The following PHF11 variants were observed in gnomAD, a reference collection of about 807,000 sequenced individuals.
The protein encoded by PHF11 is PHD finger protein 11, also known as BRCA1 C-terminus-associated protein.
In PHF11, 38 loss-of-function variants were observed where a neutral mutation model predicts 40.5. The ratio of observed to expected loss-of-function variants is 0.94; its 90% CI spans 0.72 to 1.23. PHF11 has a LOEUF of 1.23. Among genes scored for constraint, PHF11 ranks in the 50% most tolerant of loss-of-function variants. The pLI is 0.00. For synonymous variants in PHF11, 127 were observed against 138.2 expected (o/e 0.92, Z 0.57); for missense variants, 369 against 392.4 (o/e 0.94, Z 0.50).
At chr13:49,524,837 G>C (rs1172040755) in intron 8 of PHF11, among the ~76,000 whole-genome samples, 1 of 152,026 alleles carries the variant, frequency 6.6e-6, no homozygotes, top group African/African-American at 2.4e-5. Context: ...AAATCAACAG[G>C]ATGTGGGTAA....
At chr13:49,508,207 ATGTGTTATGTATTAATATATTAT>A (rs1272191080) in intron 2 of PHF11, among the ~76,000 whole-genome samples, 2 of 147,440 alleles carry the variant, frequency 1.4e-5, no homozygotes, top group South Asian at 2.1e-4. Context: ...TATATTATTA[ATGTGTTATGTATTAATATATTAT>A]TGTGTTATGT....
intron 1 of PHF11, among the ~76,000 whole-genome samples, chr13:49,502,585 G>A (rs1958924381): frequency 6.6e-6 from 1 of 152,222 alleles, no homozygotes; most frequent in Admixed American, 6.5e-5. Flanking sequence ...GTGCCTTAGA[G>A]AAGAAATGGG....
intron 1 of PHF11, among the ~76,000 whole-genome samples, chr13:49,505,119 AT>A (rs1380686940): frequency 1.5e-4 from 23 of 149,978 alleles, no homozygotes; most frequent in African/African-American, 4.4e-4. Flanking sequence ...AAATAAAAAA[AT>A]AATAAAAAAA....
At chr13:49,498,846 A>T (rs1003566290) in intron 1 of PHF11, among the ~76,000 whole-genome samples, 1 of 152,200 alleles carries the variant, frequency 6.6e-6, no homozygotes. Context: ...ACATATAAAC[A>T]TGTGAGTGCA....
chr13:49,501,543 A>G (rs1034294366), intron 1 of PHF11, among the ~76,000 whole-genome samples: 11 of 152,198 alleles, frequency 7.2e-5, no homozygotes, highest in African/African-American at 2.7e-4. Flanking sequence ...ATGGAATAAA[A>G]CAGAAGCACA....
At chr13:49,499,777 A>T (rs576750397) in intron 1 of PHF11, among the ~76,000 whole-genome samples, 2 of 152,374 alleles carry the variant, frequency 1.3e-5, no homozygotes, top group African/African-American at 4.8e-5. Flanking sequence ...AGGAGAAGAA[A>T]GGAGGAAATC....
intron 1 of PHF11, chr13:49,496,634 T>C (rs955947575): frequency 3.1e-5 from 5 of 163,404 alleles, no homozygotes; most frequent in Non-Finnish European, 6.4e-5. Context: ...CCCTTGCGTG[T>C]GTGTATAGCT....
At chr13:49,501,415 G>A (rs1958906410) in intron 1 of PHF11, among the ~76,000 whole-genome samples, 1 of 152,120 alleles carries the variant, frequency 6.6e-6, no homozygotes, top group Non-Finnish European at 1.5e-5. Flanking sequence ...TTGGGTCTGA[G>A]GTAATTAGAA....
At chr13:49,526,889 T>C (rs983965870) in intron 9 of PHF11, among the ~76,000 whole-genome samples, 3 of 152,180 alleles carry the variant, frequency 2.0e-5, no homozygotes, top group Non-Finnish European at 4.4e-5. Flanking sequence ...TAAAGCTTCC[T>C]GCGGCTTCTC....
intron 1 of PHF11, chr13:49,497,021 G>A (rs1958824841): frequency 4.1e-6 from 5 of 1,211,732 alleles, no homozygotes; most frequent in Non-Finnish European, 5.3e-6. Context: ...TTAGTAGAGA[G>A]GGTTTCTCCA....
At chr13:49,524,011 GA>G (rs1275949515) in intron 7 of PHF11, 73 bp from the exon 8 acceptor site, 1 of 1,277,460 alleles carries the variant, frequency 7.8e-7, no homozygotes, top group Non-Finnish European at 1.1e-6. Flanking sequence ...AAGGTCTGAA[GA>G]AATAAGCATA....
At chr13:49,520,051 G>T (rs7981627) in intron 4 of PHF11, among the ~76,000 whole-genome samples, 97,873 of 151,828 alleles carry the variant, frequency 0.64, 31,934 homozygotes, top group East Asian at 0.82. Flanking sequence ...CATTTCTTTT[G>T]TTTTGTTTTG....
At chr13:49,501,980 C>T (rs1037018537) in intron 1 of PHF11, among the ~76,000 whole-genome samples, 49 of 152,152 alleles carry the variant, frequency 3.2e-4, no homozygotes, top group African/African-American at 1.1e-3. Flanking sequence ...TGTGAGCCAC[C>T]GCGCCCGGCC....
chr13:49,524,060 T>G, intron 7 of PHF11, 25 bp from the exon 8 acceptor site: 1 of 1,593,486 alleles, frequency 6.3e-7, no homozygotes, highest in Non-Finnish European at 8.6e-7. Context: ...ACTATTTCCT[T>G]CTCAAATGTT....
intron 1 of PHF11, 28 bp from the exon 2 acceptor site, chr13:49,506,607 C>T (rs776921255): frequency 1.2e-6 from 2 of 1,610,548 alleles, no homozygotes; most frequent in Non-Finnish European, 8.5e-7. Flanking sequence ...TCCACTTTTC[C>T]ATTTCTCACC....
intron 4 of PHF11, among the ~76,000 whole-genome samples, chr13:49,519,575 A>T (rs567095553): frequency 6.6e-6 from 1 of 152,176 alleles, no homozygotes; most frequent in South Asian, 2.1e-4. Context: ...AAAGAATAAA[A>T]TATAGATTGA....
At chr13:49,497,351 T>G in intron 1 of PHF11, 2 of 525,644 alleles carry the variant, frequency 3.8e-6, no homozygotes, top group South Asian at 3.1e-5. Flanking sequence ...CTCCACTGTA[T>G]TCAGGTACTC....
intron 1 of PHF11, among the ~76,000 whole-genome samples, chr13:49,498,060 A>C (rs1052774002): frequency 1.2e-4 from 18 of 152,212 alleles, no homozygotes; most frequent in Admixed American, 6.5e-4. Flanking sequence ...CCTGGAAAAC[A>C]AAACAAAACT....
chr13:49,497,571 T>C (rs12050042), intron 1 of PHF11, among the ~76,000 whole-genome samples: 109,217 of 152,192 alleles, frequency 0.72, 39,338 homozygotes, highest in East Asian at 0.82. Context: ...ATCATGATCT[T>C]CTGTCTGGAC....
Sources: gnomAD v4.1 joint callset for allele counts (sites outside exome capture counted in the v4.1 genomes callset) on GRCh38, gnomAD v4.1.1 for gene constraint, MANE v1.5 for transcripts, NCBI Gene and HGNC (gene_info 2026-07-23, HGNC 2026-07-21) for gene names.